PLA2R1: variants seen among roughly 807,000 people sequenced by gnomAD.
The protein encoded by PLA2R1 is phospholipase A2 receptor 1.
PLA2R1 carries 158 observed loss-of-function variants against 195.9 expected under a neutral mutation model. The observed-to-expected ratio is 0.81, with a 90% CI of 0.71 to 0.92. PLA2R1 has a LOEUF of 0.92. Ranked by LOEUF, PLA2R1 falls within the 40% of genes least tolerant of loss-of-function variation. The pLI is 0.00. For missense variants in PLA2R1, 1,626 were observed against 1,764.6 expected (o/e 0.92, Z 1.41); for synonymous variants, 586 against 598.2 (o/e 0.98, Z 0.30).
rs749082735 is a variant in PLA2R1 at position 160,020,152 on chromosome 2, T to C, written c.1406A>G (p.His469Arg). The C allele has an allele frequency of 6.8e-6, 11 of 1,613,750 alleles. No individual in the cohort carries two copies. Among genetic ancestry groups the C allele is most frequent in the African/African-American group, 2.7e-5 (2 of 74,928 alleles). Reference sequence around the variant, plus strand: ...CAGCTGGCTTCTATTTGGAAAAATGTGGGGCTCAAGTGTGTGCCAATTAGT... The same window carrying C: ...CAGCTGGCTTCTATTTGGAAAAATGCGGGGCTCAAGTGTGTGCCAATTAGT... Reference protein sequence around the residue: ...IFTNWHTLEPHIFPNRSQLCV... With the variant: ...IFTNWHTLEPRIFPNRSQLCV... The change falls in exon 8 of 30, where the codon CAC becomes CGC. Residue 469 changes from histidine (H) to arginine (R), a missense_variant. Physicochemically the swap from His to Arg is conservative, Grantham distance 29. Coordinates refer to ENST00000283243, the MANE Select transcript of PLA2R1 (RefSeq NM_007366.5).
chr2:159,965,337 T>A (rs1175885630), intron 20 of PLA2R1, among the ~76,000 whole-genome samples: 7 of 152,194 alleles, frequency 4.6e-5, no homozygotes, highest in Non-Finnish European at 1.0e-4. Context: ...CAACCACTGA[T>A]CTTTTTACTG....
intron 15 of PLA2R1, 113 bp downstream of exon 15, chr2:159,977,171 A>G (rs761221305): frequency 2.6e-5 from 21 of 810,888 alleles, no homozygotes; most frequent in Non-Finnish European, 3.7e-5. Flanking sequence ...AAGTAGTGTA[A>G]TTTATTTTAT....
chr2:160,061,889 G>A (rs1214702868), intron 1 of PLA2R1, among the ~76,000 whole-genome samples: 1 of 152,180 alleles, frequency 6.6e-6, no homozygotes, highest in African/African-American at 2.4e-5. Flanking sequence ...TTTGCAAGGG[G>A]ACGAACTGAG....
chr2:160,009,912 A>G (rs968918573), intron 10 of PLA2R1, among the ~76,000 whole-genome samples: 1 of 151,900 alleles, frequency 6.6e-6, no homozygotes, highest in African/African-American at 2.4e-5. Context: ...GTTCAAGACC[A>G]GCCATGGCAA....
chr2:160,061,927 C>G (rs1695981390), intron 1 of PLA2R1, among the ~76,000 whole-genome samples: 1 of 152,136 alleles, frequency 6.6e-6, no homozygotes, highest in Non-Finnish European at 1.5e-5. Context: ...TTTATCCGTC[C>G]CAAATAAGCA....
chr2:159,949,599 T>G lies in PLA2R1; in HGVS notation c.3709+9A>C, dbSNP rs1687601814. The stretch of plus-strand genomic sequence containing the variant: ...GGTATATTTTTGAGTTGAATAGAAT[T>G]GAACCTACCAGGTGGCACATGACAA... On this transcript the variant is annotated intron_variant, in intron 25 of 29. Transcript: ENST00000283243. The G allele has an allele frequency of 6.2e-7, 1 of 1,607,372 alleles. No individual in the cohort carries two copies. Among genetic ancestry groups the G allele is most frequent in the Non-Finnish European group, 8.5e-7 (1 of 1,174,112 alleles).
intron 11 of PLA2R1, among the ~76,000 whole-genome samples, chr2:160,000,168 A>G (rs1691497426): frequency 6.6e-6 from 1 of 152,168 alleles, no homozygotes; most frequent in Admixed American, 6.5e-5. Flanking sequence ...TACAAAATGA[A>G]AAGTCTAACA....
At chr2:160,004,570 C>T (rs979240159) in intron 11 of PLA2R1, among the ~76,000 whole-genome samples, 6 of 152,156 alleles carry the variant, frequency 3.9e-5, no homozygotes, top group Non-Finnish European at 7.4e-5. Flanking sequence ...GTATAAAGAG[C>T]TCCGGGCCTT....
downstream of PLA2R1, among the ~76,000 whole-genome samples, chr2:159,929,948 T>C (rs186438852): frequency 4.7e-3 from 715 of 151,968 alleles, 4 homozygotes; most frequent in African/African-American, 0.016. Flanking sequence ...CTGGATGGAA[T>C]TGGAGACAAT....
intron 20 of PLA2R1, among the ~76,000 whole-genome samples, chr2:159,963,082 C>T (rs374479715): frequency 1.3e-5 from 2 of 152,070 alleles, no homozygotes; most frequent in African/African-American, 4.8e-5. Context: ...GTAACTAGGA[C>T]AGTTGTGTTC....
At chr2:160,039,476 C>CT (rs905938662) in intron 3 of PLA2R1, among the ~76,000 whole-genome samples, 4 of 151,160 alleles carry the variant, frequency 2.6e-5, no homozygotes, top group Admixed American at 6.6e-5. Context: ...TTACAATCAA[C>CT]TTTTTTTTTA....
At chr2:159,977,260 CA>C (rs757075946) in intron 15 of PLA2R1, 23 bp downstream of exon 15, 2 of 1,576,242 alleles carry the variant, frequency 1.3e-6, no homozygotes, top group Non-Finnish European at 1.7e-6. Flanking sequence ...AAACATATAG[CA>C]AAGATCTTAC....
chr2:159,960,981 A>G (rs1688398766), intron 20 of PLA2R1, among the ~76,000 whole-genome samples: 1 of 152,214 alleles, frequency 6.6e-6, no homozygotes, highest in African/African-American at 2.4e-5. Flanking sequence ...TTCCTTCTGT[A>G]GCTTTATTTG....
At chr2:159,972,030 A>C (rs1026451344) in intron 17 of PLA2R1, among the ~76,000 whole-genome samples, 1 of 152,206 alleles carries the variant, frequency 6.6e-6, no homozygotes, top group African/African-American at 2.4e-5. Context: ...GGGAACCACA[A>C]CAATTTCATT....
At chr2:159,953,791 T>C (rs1458269711) in intron 23 of PLA2R1, among the ~76,000 whole-genome samples, 1 of 152,216 alleles carries the variant, frequency 6.6e-6, no homozygotes, top group Non-Finnish European at 1.5e-5. Context: ...AATAGAATCA[T>C]TGTGTTTAAC....
chr2:159,966,557 A>T (rs1052286924), intron 20 of PLA2R1, among the ~76,000 whole-genome samples: 2 of 152,170 alleles, frequency 1.3e-5, no homozygotes, highest in Non-Finnish European at 2.9e-5. Flanking sequence ...ACCAGATATT[A>T]AAAAAATTTA....
chr2:159,979,327 A>C (rs1008039041), intron 14 of PLA2R1, among the ~76,000 whole-genome samples: 1 of 152,182 alleles, frequency 6.6e-6, no homozygotes, highest in Admixed American at 6.5e-5. Flanking sequence ...AATGAAAACC[A>C]AGACTTTTTT....
At chr2:160,044,032 GATGA>G (rs1694709884) in intron 2 of PLA2R1, among the ~76,000 whole-genome samples, 1 of 152,054 alleles carries the variant, frequency 6.6e-6, no homozygotes, top group East Asian at 1.9e-4. Flanking sequence ...AAAAATGCGG[GATGA>G]ATGGATGGAT....
chr2:159,968,202 T>C (rs1688912519), intron 19 of PLA2R1, among the ~76,000 whole-genome samples: 1 of 151,072 alleles, frequency 6.6e-6, no homozygotes, highest in Non-Finnish European at 1.5e-5. Flanking sequence ...AGAAATATCC[T>C]CAAATCCTTA....
Sources: allele counts gnomAD v4.1 joint callset (sites outside exome capture counted in the v4.1 genomes callset), GRCh38; gene constraint gnomAD v4.1.1; transcripts MANE v1.5; gene names NCBI Gene and HGNC (gene_info 2026-07-23, HGNC 2026-07-21).